LINGO2: variants seen among roughly 807,000 people sequenced by gnomAD.
LINGO2 encodes the protein leucine-rich repeat and immunoglobulin-like domain-containing nogo receptor-interacting protein 2.
In LINGO2, 14 loss-of-function variants were observed where a neutral mutation model predicts 30.6. The observed-to-expected ratio is 0.46, with a 90% CI of 0.30 to 0.72. The LOEUF is 0.72. LINGO2 is among the 30% of genes least tolerant of loss of function. The pLI is 0.07. For synonymous variants in LINGO2, 317 were observed against 288.5 expected (o/e 1.10, Z -1.00); for missense variants, 729 against 751.7 (o/e 0.97, Z 0.35).
At chr9:28,786,334 A>G in the LINGO2 span, among the ~76,000 whole-genome samples, 1 of 152,146 alleles carries the variant, frequency 6.6e-6, no homozygotes, top group African/African-American at 2.4e-5. Context: ...GGAGGTGGGG[A>G]CAAAGGGAAA....
chr9:28,946,481 T>C, the LINGO2 span, among the ~76,000 whole-genome samples: 1 of 152,120 alleles, frequency 6.6e-6, no homozygotes, highest in African/African-American at 2.4e-5. Flanking sequence ...TAATCAAAAA[T>C]AGCTTTAGTA....
chr9:29,058,545 T>C, the LINGO2 span, among the ~76,000 whole-genome samples: 1 of 152,032 alleles, frequency 6.6e-6, no homozygotes, highest in African/African-American at 2.4e-5. Context: ...AAAAATATTT[T>C]TTTTAATGAT....
At chr9:28,652,027 TAC>T (rs1356740108) in intron 1 of LINGO2, among the ~76,000 whole-genome samples, 2 of 152,214 alleles carry the variant, frequency 1.3e-5, no homozygotes, top group Non-Finnish European at 2.9e-5. Context: ...AAATTTTAAT[TAC>T]CTTTGTCCTT....
At chr9:28,925,124 T>C in the LINGO2 span, among the ~76,000 whole-genome samples, 3 of 152,192 alleles carry the variant, frequency 2.0e-5, no homozygotes, top group African/African-American at 7.2e-5. Context: ...AACATCACAT[T>C]GTACCCCATA....
At chr9:28,977,014 T>TA in the LINGO2 span, among the ~76,000 whole-genome samples, 1 of 152,110 alleles carries the variant, frequency 6.6e-6, no homozygotes, top group Non-Finnish European at 1.5e-5. Context: ...TTTATAAATG[T>TA]AAAAAATAAG....
At chr9:28,994,714 G>A in the LINGO2 span, among the ~76,000 whole-genome samples, 3,410 of 151,970 alleles carry the variant, frequency 0.022, 135 homozygotes, top group African/African-American at 0.078. Context: ...AAATAGCGCC[G>A]CATATCTGCA....
the LINGO2 span, among the ~76,000 whole-genome samples, chr9:28,761,930 A>G: frequency 2.0e-5 from 3 of 151,984 alleles, no homozygotes; most frequent in South Asian, 2.1e-4. Flanking sequence ...GTTTCATTCT[A>G]TCTTTGCCTT....
chr9:28,142,483 A>G (rs1827701275), intron 4 of LINGO2, among the ~76,000 whole-genome samples: 1 of 152,162 alleles, frequency 6.6e-6, no homozygotes, highest in Non-Finnish European at 1.5e-5. Context: ...GGATTAAATA[A>G]CATATTTCAT....
chr9:28,123,592 T>C (rs987423853), intron 4 of LINGO2, among the ~76,000 whole-genome samples: 2 of 152,198 alleles, frequency 1.3e-5, no homozygotes, highest in African/African-American at 4.8e-5. Context: ...GCTTCTGTAA[T>C]TGGCCTTCTG....
At chr9:28,126,981 T>C (rs975273947) in intron 4 of LINGO2, among the ~76,000 whole-genome samples, 1 of 152,194 alleles carries the variant, frequency 6.6e-6, no homozygotes, top group African/African-American at 2.4e-5. Flanking sequence ...GTTAGACACA[T>C]TACATGCACC....
the LINGO2 span, chr9:27,940,062 G>A: frequency 2.6e-5 from 4 of 152,270 alleles, no homozygotes; most frequent in Non-Finnish European, 5.9e-5. Context: ...TGATTCAGGT[G>A]AGGTCTTAGT....
chr9:28,535,102 T>G (rs530012851), intron 1 of LINGO2, among the ~76,000 whole-genome samples: 53 of 152,246 alleles, frequency 3.5e-4, no homozygotes, highest in African/African-American at 1.2e-3. Context: ...GGTTCATGCA[T>G]TTATGTTTAC....
chr9:28,585,391 C>T (rs1315735768), intron 1 of LINGO2, among the ~76,000 whole-genome samples: 2 of 151,812 alleles, frequency 1.3e-5, no homozygotes, highest in East Asian at 3.9e-4. Context: ...GCTATGGATA[C>T]CAATTATTAG....
chr9:28,097,956 C>T (rs2133297724), intron 4 of LINGO2, among the ~76,000 whole-genome samples: 1 of 152,210 alleles, frequency 6.6e-6, no homozygotes, highest in South Asian at 2.1e-4. Context: ...ACAGGCCTTG[C>T]TTAGCCAATG....
chr9:29,069,667 C>G, the LINGO2 span, among the ~76,000 whole-genome samples: 1 of 151,864 alleles, frequency 6.6e-6, no homozygotes, highest in South Asian at 2.1e-4. Flanking sequence ...TCAATATATC[C>G]CTTTTAATAT....
intron 1 of LINGO2, among the ~76,000 whole-genome samples, chr9:28,528,793 T>C (rs1319383889): frequency 3.3e-5 from 5 of 152,094 alleles, no homozygotes; most frequent in African/African-American, 4.8e-5. Context: ...TTGATGTGTA[T>C]ATATCCACAT....
chr9:28,551,787 C>G (rs960864891), intron 1 of LINGO2, among the ~76,000 whole-genome samples: 1 of 151,964 alleles, frequency 6.6e-6, no homozygotes, highest in African/African-American at 2.4e-5. Context: ...ACAAATCAAG[C>G]CTTTTTCAAC....
chr9:28,244,579 G>A (rs1317592932), intron 4 of LINGO2, among the ~76,000 whole-genome samples: 1 of 151,986 alleles, frequency 6.6e-6, no homozygotes, highest in East Asian at 1.9e-4. Flanking sequence ...GAAGAAAAGA[G>A]AGAAGATTCA....
intron 2 of LINGO2, among the ~76,000 whole-genome samples, chr9:28,382,815 T>C (rs1174545499): frequency 6.6e-6 from 1 of 152,092 alleles, no homozygotes; most frequent in Non-Finnish European, 1.5e-5. Context: ...GGGATAGTAA[T>C]AAATAGTGTT....
Sources: allele counts gnomAD v4.1 joint callset (sites outside exome capture counted in the v4.1 genomes callset), GRCh38; gene constraint gnomAD v4.1.1; transcripts MANE v1.5; gene names NCBI Gene and HGNC (gene_info 2026-07-23, HGNC 2026-07-21).